STXBP5L: variants seen among roughly 807,000 people sequenced by gnomAD.
STXBP5L encodes the protein syntaxin-binding protein 5-like.
STXBP5L carries 65 observed loss-of-function variants against 144.5 expected under a neutral mutation model. The ratio of observed to expected loss-of-function variants is 0.45; its 90% CI spans 0.37 to 0.55. The LOEUF is 0.55. Among genes scored for constraint, STXBP5L ranks in the 20% least tolerant of loss-of-function variants. The pLI is 0.00. For synonymous variants in STXBP5L, 505 were observed against 469.6 expected, an observed-to-expected ratio of 1.08 and a Z score of -0.97; for missense variants, 1,298 against 1,405.5, an observed-to-expected ratio of 0.92 and a Z score of 1.22.
At chr3:121,392,200 T>C (rs1193565416) in intron 22 of STXBP5L, among the ~76,000 whole-genome samples, 2 of 152,170 alleles carry the variant, frequency 1.3e-5, no homozygotes, top group Admixed American at 1.3e-4. Context: ...GCATGGGACC[T>C]GCCAAGCCAG....
chr3:121,310,144 T>C (rs2108509816), intron 19 of STXBP5L, among the ~76,000 whole-genome samples: 1 of 152,338 alleles, frequency 6.6e-6, no homozygotes, highest in Non-Finnish European at 1.5e-5. Flanking sequence ...CTTTAATTCC[T>C]ACTTCACGTC....
At chr3:121,028,590 G>A (rs1158321054) in intron 3 of STXBP5L, among the ~76,000 whole-genome samples, 1 of 151,458 alleles carries the variant, frequency 6.6e-6, no homozygotes, top group Non-Finnish European at 1.5e-5. Flanking sequence ...TAGAAATATT[G>A]CTTCATTTAT....
At chr3:121,132,312 C>A (rs944342419) in intron 7 of STXBP5L, among the ~76,000 whole-genome samples, 3 of 152,194 alleles carry the variant, frequency 2.0e-5, no homozygotes, top group Non-Finnish European at 2.9e-5. Context: ...AAAGAACTAG[C>A]ACACATCTCA....
At chr3:120,981,700 A>T (rs529874040) in intron 3 of STXBP5L, among the ~76,000 whole-genome samples, 2 of 152,300 alleles carry the variant, frequency 1.3e-5, no homozygotes, top group South Asian at 4.1e-4. Context: ...AATAAGATCC[A>T]TTGCTAGAAA....
intron 19 of STXBP5L, among the ~76,000 whole-genome samples, chr3:121,294,137 A>G (rs2051555513): frequency 6.6e-6 from 1 of 152,240 alleles, no homozygotes; most frequent in African/African-American, 2.4e-5. Flanking sequence ...TGTGGAGCCA[A>G]AAAGGAAAGC....
intron 20 of STXBP5L, among the ~76,000 whole-genome samples, chr3:121,359,373 T>C (rs182279065): frequency 6.6e-6 from 1 of 152,270 alleles, no homozygotes; most frequent in East Asian, 1.9e-4. Context: ...ATCAGAGGGG[T>C]AGTTTGAAAA....
At chr3:121,134,521 C>T (rs561463277) in intron 7 of STXBP5L, among the ~76,000 whole-genome samples, 2 of 152,158 alleles carry the variant, frequency 1.3e-5, no homozygotes, top group East Asian at 1.9e-4. Flanking sequence ...CGTCATTTAA[C>T]ATTAGGTATA....
intron 20 of STXBP5L, among the ~76,000 whole-genome samples, chr3:121,338,267 A>T (rs1277820474): frequency 1.3e-5 from 2 of 152,260 alleles, no homozygotes; most frequent in Middle Eastern, 3.4e-3. Flanking sequence ...CAAAACAAAA[A>T]GTTGGTTCTT....
chr3:120,995,575 A>G (rs945671141), intron 3 of STXBP5L, among the ~76,000 whole-genome samples: 5 of 151,928 alleles, frequency 3.3e-5, no homozygotes, highest in Non-Finnish European at 5.9e-5. Context: ...GAATTTTCTT[A>G]ATGATTTCTC....
chr3:121,130,753 A>C (rs1351119698), intron 7 of STXBP5L, among the ~76,000 whole-genome samples: 1 of 152,184 alleles, frequency 6.6e-6, no homozygotes, highest in East Asian at 1.9e-4. Context: ...TTTAAAATTC[A>C]GAAAAATTTT....
At position 121,216,291 on chromosome 3, in the gene STXBP5L, C is replaced by G. The variant is rs192021972; in HGVS notation, c.957-6712C>G. ...GCTTTCTGGTTTTTGGAAGTTTCAG[C>G]CTTTTTATACTTTTTTGTCTCATCT... is the stretch of plus-strand genomic sequence containing the variant. On this transcript the variant is annotated intron_variant, in intron 10 of 26. Coordinates refer to ENST00000471454, the MANE Select transcript of STXBP5L (RefSeq NM_001308330.2). Among the ~76,000 whole-genome samples, 6 of 152,172 alleles carry G rather than the reference C, an allele frequency of 3.9e-5. No individual in the cohort carries two copies. The East Asian group carries it at 1.2e-3, about 29-fold the overall frequency.
chr3:121,016,613 G>T (rs1351965211), intron 3 of STXBP5L, among the ~76,000 whole-genome samples: 3 of 152,158 alleles, frequency 2.0e-5, no homozygotes, highest in East Asian at 1.9e-4. Flanking sequence ...CAATAACTGT[G>T]TGACAGTTTC....
chr3:121,173,453 G>A (rs555593795), intron 9 of STXBP5L, among the ~76,000 whole-genome samples: 1 of 151,634 alleles, frequency 6.6e-6, no homozygotes, highest in Non-Finnish European at 1.5e-5. Flanking sequence ...CAGGTTGTAG[G>A]GCAAACAACT....
intron 5 of STXBP5L, among the ~76,000 whole-genome samples, chr3:121,047,549 A>C (rs991393829): frequency 3.3e-5 from 5 of 152,168 alleles, no homozygotes; most frequent in Admixed American, 3.3e-4. Flanking sequence ...TGTTGGGTGC[A>C]TATATATTTA....
chr3:121,368,520 C>T (rs1438797887), intron 20 of STXBP5L, among the ~76,000 whole-genome samples: 1 of 151,526 alleles, frequency 6.6e-6, no homozygotes, highest in Non-Finnish European at 1.5e-5. Flanking sequence ...AATGGGCCAT[C>T]CTTCCCTGTC....
chr3:121,103,615 T>A (rs1227432593), intron 5 of STXBP5L, among the ~76,000 whole-genome samples: 1 of 152,116 alleles, frequency 6.6e-6, no homozygotes, highest in Non-Finnish European at 1.5e-5. Context: ...AGCACACCTA[T>A]ACATGTACCT....
At chr3:121,036,577 T>C (rs1946767947) in intron 3 of STXBP5L, among the ~76,000 whole-genome samples, 1 of 152,082 alleles carries the variant, frequency 6.6e-6, no homozygotes, top group Non-Finnish European at 1.5e-5. Context: ...AGGTAGAAAG[T>C]ATTGTTCCTC....
At chr3:121,360,618 G>A (rs937413332) in intron 20 of STXBP5L, among the ~76,000 whole-genome samples, 12 of 151,834 alleles carry the variant, frequency 7.9e-5, no homozygotes, top group South Asian at 2.1e-4. Context: ...CTTATAACCC[G>A]CTATTTAACC....
chr3:121,339,130 A>T (rs2044616444), intron 20 of STXBP5L, among the ~76,000 whole-genome samples: 1 of 152,194 alleles, frequency 6.6e-6, no homozygotes, highest in Non-Finnish European at 1.5e-5. Flanking sequence ...ACAAAATGAC[A>T]GACCAATATT....
Sources: gnomAD v4.1 joint callset for allele counts (sites outside exome capture counted in the v4.1 genomes callset) on GRCh38, gnomAD v4.1.1 for gene constraint, MANE v1.5 for transcripts, NCBI Gene and HGNC (gene_info 2026-07-23, HGNC 2026-07-21) for gene names.